Variants in BIRC3 observed in about 807,000 individuals in gnomAD.
BIRC3 encodes the protein baculoviral IAP repeat-containing protein 3.
Under a neutral mutation model 59.0 loss-of-function variants are expected in BIRC3, and 26 were observed. The observed-to-expected ratio is 0.44, with a 90% CI of 0.32 to 0.61. The LOEUF is 0.61. Ranked by LOEUF, BIRC3 falls within the 20% of genes least tolerant of loss-of-function variation. BIRC3 has a pLI of 0.04. For synonymous variants in BIRC3, 243 were observed against 249.2 expected (o/e 0.98, Z 0.24); for missense variants, 641 against 711.5 (o/e 0.90, Z 1.13).
At chr11:102,319,250 G>A (rs1951006714) in intron 1 of BIRC3, among the ~76,000 whole-genome samples, 1 of 151,914 alleles carries the variant, frequency 6.6e-6, no homozygotes, top group African/African-American at 2.4e-5. Context: ...GTTTCACCGT[G>A]TTAGCCAGGA....
intron 3 of BIRC3, chr11:102,326,599 T>C (rs532551724): frequency 4.1e-5 from 15 of 370,284 alleles, no homozygotes; most frequent in Middle Eastern, 9.1e-4. Flanking sequence ...CGTTTCCCAT[T>C]TGCCCTGAGA....
chr11:102,329,876 T>C (rs932198020), intron 5 of BIRC3, among the ~76,000 whole-genome samples: 9 of 151,976 alleles, frequency 5.9e-5, no homozygotes, highest in African/African-American at 2.2e-4. Context: ...ACATGGCACA[T>C]GTATACATAT....
intron 4 of BIRC3, among the ~76,000 whole-genome samples, chr11:102,328,579 G>A (rs896719805): frequency 3.9e-5 from 6 of 152,004 alleles, no homozygotes; most frequent in African/African-American, 1.5e-4. Context: ...ACCCAGGGTA[G>A]GTAAGACCTG....
chr11:102,318,332 G>T (rs1950994900), intron 1 of BIRC3, among the ~76,000 whole-genome samples: 1 of 151,992 alleles, frequency 6.6e-6, no homozygotes, highest in Non-Finnish European at 1.5e-5. Flanking sequence ...CTTGGTATTG[G>T]GCACCCCCGA....
At chr11:102,334,888 A>G (rs1951181113) in intron 6 of BIRC3, among the ~76,000 whole-genome samples, 1 of 152,220 alleles carries the variant, frequency 6.6e-6, no homozygotes, top group African/African-American at 2.4e-5. Flanking sequence ...TATTTAGGTA[A>G]TGGCAATATG....
Position 102,337,491 on chromosome 11 carries a change from G to T in BIRC3, c.*389G>T. Reference sequence around the variant, plus strand: ...TGGTGGTATGTGCCTGTAGTCCCAGGCTGAGGCAAGAGAATTACTTGAGCC... The same window carrying T: ...TGGTGGTATGTGCCTGTAGTCCCAGTCTGAGGCAAGAGAATTACTTGAGCC... On this transcript the variant is annotated 3_prime_UTR_variant, in exon 9 of 9. Coordinates refer to ENST00000263464, the MANE Select transcript of BIRC3 (RefSeq NM_001165.5). 2.5e-6 allele frequency: 1 copy of T among 394,844 alleles called. No homozygotes were observed. The highest frequency in any genetic ancestry group is 4.5e-6 in the Non-Finnish European group (1 of 223,768). The allele number at this position is 394,844 out of a possible 1,614,324, so 24.5% of individuals were successfully genotyped here. A position where few individuals can be genotyped will look rare whatever the true frequency, so the allele number is the denominator to read the frequency against.
At chr11:102,333,706 G>A (rs948553297) in intron 6 of BIRC3, among the ~76,000 whole-genome samples, 22 of 151,958 alleles carry the variant, frequency 1.4e-4, no homozygotes, top group African/African-American at 5.1e-4. Flanking sequence ...AGATCGCACC[G>A]CTGCACTCCA....
Position 102,325,277 on chromosome 11 carries a change from A to G in BIRC3, c.768A>G (p.Ala256=). The change falls in exon 2 of 9, where the codon GCA becomes GCG. Residue 256 remains alanine (A), a synonymous_variant. Coordinates refer to ENST00000263464, the MANE Select transcript of BIRC3 (RefSeq NM_001165.5). The part of the protein sequence containing the change: ...TVSNLSMQTH[A]ARFKTFFNWP... ...CTAATCTGAGCATGCAGACACATGC[A>G]GCCCGCTTTAAAACATTCTTTAACT... The G allele has an allele frequency of 6.2e-7, 1 of 1,614,188 alleles. No individual in the cohort carries two copies. Among genetic ancestry groups the G allele is most frequent in the Non-Finnish European group, 8.5e-7 (1 of 1,180,018 alleles).
intron 5 of BIRC3, among the ~76,000 whole-genome samples, chr11:102,330,301 A>G (rs1012192716): frequency 6.6e-6 from 1 of 152,232 alleles, no homozygotes; most frequent in African/African-American, 2.4e-5. Context: ...GGAGTTGCTA[A>G]TAGATAAATC....
At chr11:102,333,653 C>T (rs1015472366) in intron 6 of BIRC3, among the ~76,000 whole-genome samples, 1 of 151,730 alleles carries the variant, frequency 6.6e-6, no homozygotes, top group Non-Finnish European at 1.5e-5. Context: ...GGCTCAGGTA[C>T]AAAAATAGCT....
In BIRC3 at chr11:102,338,486, T is replaced by C. The variant is rs1438497601; in HGVS notation, c.*1384T>C. 10 of 229,326 alleles carry C rather than the reference T, an allele frequency of 4.4e-5. No homozygotes were observed. The highest frequency in any genetic ancestry group is 8.6e-5 in the Non-Finnish European group (10 of 115,626). The allele number at this position is 229,326 out of a possible 1,614,324, so 14.2% of individuals were successfully genotyped here. A position where few individuals can be genotyped will look rare whatever the true frequency, so the allele number is the denominator to read the frequency against. On this transcript the variant is annotated 3_prime_UTR_variant, in exon 9 of 9. Transcript: ENST00000263464. ...GAAGATCCAAAATTACAGGGGAAAC[T>C]GTGCATTTTTATGCTTAGGTTTGAT...
intron 4 of BIRC3, among the ~76,000 whole-genome samples, chr11:102,328,346 T>C (rs545930212): frequency 1.2e-4 from 19 of 152,308 alleles, no homozygotes; most frequent in African/African-American, 4.6e-4. Flanking sequence ...GTGATGTTTT[T>C]CAAACAAGTT....
chr11:102,329,411 C>T (rs12284238), intron 5 of BIRC3, among the ~76,000 whole-genome samples: 3,381 of 152,234 alleles, frequency 0.022, 110 homozygotes, highest in African/African-American at 0.077. Context: ...TAAAATGCAA[C>T]AGAGCTAATA....
chr11:102,325,143 T>C lies in BIRC3; in HGVS notation c.634T>C (p.Leu212=). 2 of 1,614,104 alleles carry C rather than the reference T, an allele frequency of 1.2e-6. No individual in the cohort carries two copies. Among genetic ancestry groups the C allele is most frequent in the Non-Finnish European group, 1.7e-6 (2 of 1,180,008 alleles). ...RVACFACGGK[L]SNWEPKDNAM... ...GGCTTGCTTTGCCTGTGGTGGAAAA[T>C]TGAGCAATTGGGAACCGAAGGATAA... is the stretch of plus-strand genomic sequence containing the variant. Residue 212 remains leucine, a synonymous_variant, in exon 2 of 9, where the codon TTG becomes CTG. Transcript: ENST00000263464.
At chr11:102,326,005 A>G (rs1951077021) in intron 3 of BIRC3, among the ~76,000 whole-genome samples, 2 of 152,112 alleles carry the variant, frequency 1.3e-5, no homozygotes, top group Non-Finnish European at 2.9e-5. Context: ...AATGTACACC[A>G]TTTTACATAA....
At position 102,325,160 on chromosome 11, in the gene BIRC3, G is replaced by T. The variant is rs780576032; in HGVS notation, c.651G>T (p.Pro217=). ...GTGGAAAATTGAGCAATTGGGAACC[G>T]AAGGATAATGCTATGTCAGAACACC... ...ACGGKLSNWE[P]KDNAMSEHLR... Residue 217 remains proline (P), a synonymous_variant, in exon 2 of 9, where the codon CCG becomes CCT. Coordinates refer to ENST00000263464, the MANE Select transcript of BIRC3 (RefSeq NM_001165.5). 1 of 1,614,156 alleles carries T rather than the reference G, an allele frequency of 6.2e-7. No homozygotes were observed. The highest frequency in any genetic ancestry group is 2.2e-5 in the East Asian group (1 of 44,884).
intron 6 of BIRC3, among the ~76,000 whole-genome samples, chr11:102,331,795 C>A (rs781727856): frequency 6.6e-6 from 1 of 152,144 alleles, no homozygotes; most frequent in Non-Finnish European, 1.5e-5. Flanking sequence ...CACCTGCCAC[C>A]ATGCCAGGCT....
chr11:102,324,631 C>A lies in BIRC3; in HGVS notation c.122C>A (p.Ala41Asp). Residue 41 changes from alanine (A) to aspartate (D), a missense_variant, in exon 2 of 9, where the codon GCT becomes GAT. Transcript: ENST00000263464. ...YRMSTYSTFP[A>D]GVPVSERSLA... ...ATGTCTACGTATTCCACTTTTCCTG[C>A]TGGGGTTCCTGTCTCAGAAAGGAGT... 6.2e-7 allele frequency: 1 copy of A among 1,614,194 alleles called. No homozygotes were observed. Among genetic ancestry groups the A allele is most frequent in the Non-Finnish European group, 8.5e-7 (1 of 1,180,014 alleles).
chr11:102,328,191 A>G (rs931652061), intron 4 of BIRC3, 61 bp downstream of exon 4: 3 of 1,248,822 alleles, frequency 2.4e-6, no homozygotes, highest in Admixed American at 1.8e-5. Context: ...TCTGATAATT[A>G]CAGAGAGTGC....
Sources: allele counts gnomAD v4.1 joint callset (sites outside exome capture counted in the v4.1 genomes callset), GRCh38; gene constraint gnomAD v4.1.1; transcripts MANE v1.5; gene names NCBI Gene and HGNC (gene_info 2026-07-23, HGNC 2026-07-21).